The following LRRTM4 variants were observed in gnomAD, a reference collection of about 807,000 sequenced individuals.
LRRTM4 encodes leucine rich repeat transmembrane neuronal 4.
A neutral mutation model predicts 47.6 loss-of-function variants in LRRTM4; 25 were observed. That is an observed-to-expected ratio of 0.53 (90% CI 0.38 to 0.73). The LOEUF (loss-of-function observed/expected upper bound fraction) is 0.73. LRRTM4 is among the 30% of genes least tolerant of loss of function. The pLI is 0.00. For synonymous variants in LRRTM4, 311 were observed against 269.5 expected (o/e 1.15, Z -1.51); for missense variants, 638 against 713.4 (o/e 0.89, Z 1.20).
At chr2:77,003,850 T>G (rs902887176) in intron 3 of LRRTM4, among the ~76,000 whole-genome samples, 2 of 152,132 alleles carry the variant, frequency 1.3e-5, no homozygotes, top group African/African-American at 4.8e-5. Flanking sequence ...TCTTAGAGAC[T>G]TGTTGAATGG....
At chr2:77,273,384 C>T (rs1273576779) in intron 3 of LRRTM4, among the ~76,000 whole-genome samples, 2 of 152,020 alleles carry the variant, frequency 1.3e-5, no homozygotes, top group African/African-American at 4.8e-5. Context: ...TTCTCTATTA[C>T]CTTAATTTTT....
At chr2:77,234,261 G>T (rs1675045134) in intron 3 of LRRTM4, among the ~76,000 whole-genome samples, 1 of 151,972 alleles carries the variant, frequency 6.6e-6, no homozygotes, top group Non-Finnish European at 1.5e-5. Context: ...AATATTTTGT[G>T]CAGACCATTC....
intron 3 of LRRTM4, among the ~76,000 whole-genome samples, chr2:77,421,468 G>A (rs1397183546): frequency 6.6e-6 from 1 of 152,154 alleles, no homozygotes; most frequent in Non-Finnish European, 1.5e-5. Flanking sequence ...AGCACTTCGG[G>A]AGGCCGAGGC....
At chr2:77,418,568 T>C (rs922604359) in intron 3 of LRRTM4, among the ~76,000 whole-genome samples, 5 of 152,128 alleles carry the variant, frequency 3.3e-5, no homozygotes, top group African/African-American at 1.2e-4. Flanking sequence ...CAGAGGAAAA[T>C]ACAAAATCCT....
chr2:77,084,590 T>C (rs1174816046), intron 3 of LRRTM4, among the ~76,000 whole-genome samples: 1 of 152,204 alleles, frequency 6.6e-6, no homozygotes, highest in Admixed American at 6.5e-5. Context: ...CTGCTGTACA[T>C]CTACATGTAA....
chr2:77,378,819 T>C (rs1032281999), intron 3 of LRRTM4, among the ~76,000 whole-genome samples: 2 of 152,220 alleles, frequency 1.3e-5, no homozygotes, highest in South Asian at 2.1e-4. Flanking sequence ...CTGGTTATGG[T>C]AAATATTGAG....
intron 3 of LRRTM4, among the ~76,000 whole-genome samples, chr2:77,468,122 T>C (rs1035617943): frequency 6.6e-6 from 1 of 152,174 alleles, no homozygotes; most frequent in African/African-American, 2.4e-5. Flanking sequence ...GATGATGTGG[T>C]ATTTGTTTTA....
chr2:77,076,840 T>A (rs1283895698), intron 3 of LRRTM4, among the ~76,000 whole-genome samples: 1 of 152,162 alleles, frequency 6.6e-6, no homozygotes, highest in Non-Finnish European at 1.5e-5. Context: ...AAACTGTGAG[T>A]GCTACATTAT....
At chr2:77,300,926 T>TA (rs34908071) in intron 3 of LRRTM4, among the ~76,000 whole-genome samples, 4 of 152,134 alleles carry the variant, frequency 2.6e-5, no homozygotes, top group Non-Finnish European at 4.4e-5. Flanking sequence ...TCAGTTGTGC[T>TA]AAATGGAATT....
chr2:77,211,170 A>G (rs1168721730), intron 3 of LRRTM4, among the ~76,000 whole-genome samples: 1 of 152,194 alleles, frequency 6.6e-6, no homozygotes, highest in Admixed American at 6.5e-5. Context: ...ATTATAAGCA[A>G]CTATAGAAAT....
intron 3 of LRRTM4, among the ~76,000 whole-genome samples, chr2:76,995,241 T>G (rs1312810082): frequency 1.3e-5 from 2 of 152,050 alleles, no homozygotes; most frequent in African/African-American, 4.8e-5. Flanking sequence ...TTACACATAT[T>G]TTAAAAGTAG....
intron 3 of LRRTM4, among the ~76,000 whole-genome samples, chr2:76,781,902 T>A (rs1674415951): frequency 6.6e-6 from 1 of 152,204 alleles, no homozygotes; most frequent in Admixed American, 6.5e-5. Context: ...TGAAAACTCA[T>A]CTGCTGCCTC....
At chr2:77,249,941 GATAA>G (rs1392244708) in intron 3 of LRRTM4, among the ~76,000 whole-genome samples, 4 of 152,134 alleles carry the variant, frequency 2.6e-5, no homozygotes, top group Non-Finnish European at 4.4e-5. Flanking sequence ...TAGTTGAATG[GATAA>G]ATAAACTATG....
chr2:76,898,858 T>C (rs1673517374), intron 3 of LRRTM4, among the ~76,000 whole-genome samples: 2 of 151,696 alleles, frequency 1.3e-5, no homozygotes, highest in South Asian at 2.1e-4. Flanking sequence ...TATATAGTTA[T>C]ACTTTTAATT....
chr2:77,421,930 T>G (rs1674913144), intron 3 of LRRTM4, among the ~76,000 whole-genome samples: 1 of 152,238 alleles, frequency 6.6e-6, no homozygotes. Flanking sequence ...GTGCTTTTAC[T>G]GTAACTACTC....
chr2:77,242,023 T>A (rs1378555033), intron 3 of LRRTM4, among the ~76,000 whole-genome samples: 1 of 152,178 alleles, frequency 6.6e-6, no homozygotes, highest in Non-Finnish European at 1.5e-5. Context: ...ATTATCACAC[T>A]GTTTTGATTG....
intron 3 of LRRTM4, among the ~76,000 whole-genome samples, chr2:77,163,517 G>A (rs978651839): frequency 3.3e-5 from 5 of 152,112 alleles, no homozygotes; most frequent in South Asian, 2.1e-4. Flanking sequence ...TCCAAGACAC[G>A]TAATTGTCAG....
At chr2:77,163,818 A>G (rs1672800679) in intron 3 of LRRTM4, among the ~76,000 whole-genome samples, 1 of 152,210 alleles carries the variant, frequency 6.6e-6, no homozygotes, top group Non-Finnish European at 1.5e-5. Flanking sequence ...AGCACTAAAC[A>G]TGGAAAGGAA....
At chr2:76,885,339 T>C (rs1353277792) in intron 3 of LRRTM4, among the ~76,000 whole-genome samples, 4 of 152,106 alleles carry the variant, frequency 2.6e-5, no homozygotes, top group Admixed American at 2.6e-4. Flanking sequence ...ATCTTACTTA[T>C]CCTTGTTTTC....
Sources: gnomAD v4.1 joint callset for allele counts (sites outside exome capture counted in the v4.1 genomes callset) on GRCh38, gnomAD v4.1.1 for gene constraint, MANE v1.5 for transcripts, NCBI Gene and HGNC (gene_info 2026-07-23, HGNC 2026-07-21) for gene names.